CIMIP7: variants seen among roughly 807,000 people sequenced by gnomAD.
The protein encoded by CIMIP7 is ciliary microtubule inner protein 7.
At chr3:49,186,471 G>A in the CIMIP7 span, among the ~76,000 whole-genome samples, 1 of 122,938 alleles carries the variant, frequency 8.1e-6, no homozygotes, top group Non-Finnish European at 1.7e-5. Context: ...TGGTGCGATC[G>A]CGGCTCACTG....
the CIMIP7 span, chr3:49,191,768 G>T: frequency 1.3e-6 from 2 of 1,567,826 alleles, no homozygotes; most frequent in Non-Finnish European, 1.7e-6. Context: ...AAAGCACTTT[G>T]CATCTTTCCA....
chr3:49,177,751 G>C, the CIMIP7 span: 1 of 1,609,720 alleles, frequency 6.2e-7, no homozygotes. Flanking sequence ...CAGTACGTCA[G>C]TGACCGGCGC....
chr3:49,186,086 C>T, the CIMIP7 span, among the ~76,000 whole-genome samples: 25 of 150,286 alleles, frequency 1.7e-4, no homozygotes, highest in Non-Finnish European at 3.1e-4. Flanking sequence ...CCACAACCTC[C>T]GCCTCCCGGG....
the CIMIP7 span, chr3:49,189,901 G>A: frequency 3.8e-6 from 3 of 797,422 alleles, no homozygotes; most frequent in Non-Finnish European, 6.8e-6. Flanking sequence ...AGAGAAGAAA[G>A]GTAAAGCCTG....
the CIMIP7 span, among the ~76,000 whole-genome samples, chr3:49,182,519 G>A: frequency 1.3e-5 from 2 of 152,202 alleles, no homozygotes; most frequent in Admixed American, 6.5e-5. Flanking sequence ...GATACAGAGT[G>A]CCCATTGGTG....
the CIMIP7 span, among the ~76,000 whole-genome samples, chr3:49,183,849 T>G: frequency 6.6e-6 from 1 of 152,176 alleles, no homozygotes; most frequent in Non-Finnish European, 1.5e-5. Flanking sequence ...AGATGAATGA[T>G]TAAACAAACT....
the CIMIP7 span, among the ~76,000 whole-genome samples, chr3:49,180,862 G>C: frequency 2.0e-5 from 3 of 148,724 alleles, no homozygotes; most frequent in Admixed American, 2.0e-4. Flanking sequence ...CCCGGGAGGT[G>C]GAGCTTGTAG....
chr3:49,182,834 C>A, the CIMIP7 span, among the ~76,000 whole-genome samples: 3 of 152,192 alleles, frequency 2.0e-5, no homozygotes, highest in East Asian at 1.9e-4. Context: ...TAAGGCCTGG[C>A]GAGAAATTCA....
chr3:49,177,651 T>G, the CIMIP7 span: 1 of 1,585,960 alleles, frequency 6.3e-7, no homozygotes, highest in Non-Finnish European at 8.6e-7. Flanking sequence ...TGTCCTTGTT[T>G]AATGCTCTGG....
chr3:49,189,221 G>A, the CIMIP7 span, among the ~76,000 whole-genome samples: 4 of 151,818 alleles, frequency 2.6e-5, no homozygotes, highest in East Asian at 1.9e-4. Context: ...CTCCCACCTC[G>A]GCCTCCCAAA....
the CIMIP7 span, among the ~76,000 whole-genome samples, chr3:49,191,034 G>A: frequency 6.6e-6 from 1 of 152,116 alleles, no homozygotes; most frequent in Non-Finnish European, 1.5e-5. Context: ...GTCCAAGAAA[G>A]GGGCTGTACT....
chr3:49,185,156 G>A, the CIMIP7 span, among the ~76,000 whole-genome samples: 2 of 151,966 alleles, frequency 1.3e-5, no homozygotes, highest in Non-Finnish European at 1.5e-5. Context: ...AGCTACTCAG[G>A]AGGCTGAGGC....
chr3:49,181,957 T>C, the CIMIP7 span, among the ~76,000 whole-genome samples: 11 of 152,296 alleles, frequency 7.2e-5, no homozygotes, highest in East Asian at 1.7e-3. Context: ...GGGTTCGTGG[T>C]CTCGCTGGCT....
the CIMIP7 span, among the ~76,000 whole-genome samples, chr3:49,185,620 G>T: frequency 4.0e-5 from 6 of 151,568 alleles, no homozygotes; most frequent in East Asian, 1.2e-3. Flanking sequence ...CCCTTGTGAT[G>T]TTGGTCTACC....
At chr3:49,182,813 G>A in the CIMIP7 span, among the ~76,000 whole-genome samples, 313 of 152,318 alleles carry the variant, frequency 2.1e-3, 2 homozygotes, top group African/African-American at 7.0e-3. Context: ...CCTGCCCCGC[G>A]GGAAGGCAGC....
chr3:49,185,751 C>A, the CIMIP7 span, among the ~76,000 whole-genome samples: 1 of 150,610 alleles, frequency 6.6e-6, no homozygotes, highest in Non-Finnish European at 1.5e-5. Flanking sequence ...AGTACAGTGG[C>A]TCGATCTCAG....
chr3:49,191,576 C>T, the CIMIP7 span: 2 of 749,174 alleles, frequency 2.7e-6, no homozygotes, highest in Non-Finnish European at 4.7e-6. Flanking sequence ...GAAGACTAGG[C>T]AGCCTCCAGG....
the CIMIP7 span, chr3:49,190,086 G>T: frequency 6.2e-7 from 1 of 1,611,882 alleles, no homozygotes. Context: ...GTATTCTCTA[G>T]CACTTTCACT....
At chr3:49,184,292 C>T in the CIMIP7 span, among the ~76,000 whole-genome samples, 1 of 152,144 alleles carries the variant, frequency 6.6e-6, no homozygotes, top group Non-Finnish European at 1.5e-5. Flanking sequence ...AGCCACTGTG[C>T]CCAGCTTTAT....
Sources: allele counts gnomAD v4.1 joint callset (sites outside exome capture counted in the v4.1 genomes callset), GRCh38; gene constraint gnomAD v4.1.1; transcripts MANE v1.5; gene names NCBI Gene and HGNC (gene_info 2026-07-23, HGNC 2026-07-21).